The following ABCA13 variants were observed in gnomAD, a reference collection of about 807,000 sequenced individuals.
The protein encoded by ABCA13 is ATP-binding cassette sub-family A member 13.
Under a neutral mutation model 478.7 loss-of-function variants are expected in ABCA13, and 476 were observed. The ratio of observed to expected loss-of-function variants is 0.99; its 90% CI spans 0.92 to 1.07. The LOEUF (loss-of-function observed/expected upper bound fraction) is 1.07. Among genes scored for constraint, ABCA13 ranks in the 50% least tolerant of loss-of-function variants. ABCA13 has a pLI of 0.00. For synonymous variants in ABCA13, 2,252 were observed against 2,158.9 expected, an observed-to-expected ratio of 1.04 and a Z score of -1.20; for missense variants, 6,060 against 5,910.6, an observed-to-expected ratio of 1.03 and a Z score of -0.83.
chr7:48,417,997 C>T (rs1262057814), intron 41 of ABCA13, among the ~76,000 whole-genome samples: 1 of 152,156 alleles, frequency 6.6e-6, no homozygotes, highest in Non-Finnish European at 1.5e-5. Flanking sequence ...TTCTCTGTGT[C>T]TTTTCATGGC....
chr7:48,545,674 C>T (rs1784755970), intron 55 of ABCA13, among the ~76,000 whole-genome samples: 2 of 149,284 alleles, frequency 1.3e-5, no homozygotes, highest in African/African-American at 4.9e-5. Context: ...AGAATTGGCA[C>T]ACAAAGAATG....
chr7:48,643,204 C>A, intron 59 of ABCA13, 84 bp from the exon 60 acceptor site: 1 of 831,080 alleles, frequency 1.2e-6, no homozygotes, highest in Middle Eastern at 2.3e-4. Context: ...TCCTTTTTCT[C>A]CCTCTGTGTG....
chr7:48,276,431 C>T lies in ABCA13; in HGVS notation c.6765C>T (p.Leu2255=), dbSNP rs748460691. Residue 2255 remains leucine, a synonymous_variant, in exon 17 of 62, where the codon CTC becomes CTT. Coordinates refer to ENST00000435803, the MANE Select transcript of ABCA13 (RefSeq NM_152701.5). ...CAGAAACTAGTAGGAAAACAGTTCTCTCTCTGAGAAGCATAGTAGATTTCA... is the reference window on the plus strand; with the variant it reads ...CAGAAACTAGTAGGAAAACAGTTCTTTCTCTGAGAAGCATAGTAGATTTCA... ...MQSETSRKTV[L]SLRSIVDFTE... is the part of the protein sequence containing the mutation. The T allele has an allele frequency of 7.0e-6, 11 of 1,573,214 alleles. No homozygotes were observed. Among genetic ancestry groups the T allele is most frequent in the Admixed American group, 1.8e-5 (1 of 54,218 alleles).
In ABCA13 at chr7:48,279,608, A is replaced by G. The variant is rs752099115; in HGVS notation, c.8414A>G (p.Gln2805Arg). ...KSLYFDTPLS[Q>R]NITHHQLEKA... ...TTATATTTTGACACACCTTTGAGTC[A>G]GAATATAACTCATCATCAACTTGAA... The change falls in exon 18 of 62, where the codon CAG (glutamine) becomes CGG (arginine). Residue 2805 changes from glutamine to arginine, a missense_variant. Physicochemically the swap from Gln to Arg is conservative, Grantham distance 43. Coordinates refer to ENST00000435803, the MANE Select transcript of ABCA13 (RefSeq NM_152701.5). 4 of 1,612,226 alleles carry G rather than the reference A, an allele frequency of 2.5e-6. No individual in the cohort carries two copies. The highest frequency in any genetic ancestry group is 2.2e-5 in the East Asian group (1 of 44,802).
chr7:48,531,973 A>G (rs1036160346), intron 55 of ABCA13, among the ~76,000 whole-genome samples: 4 of 151,898 alleles, frequency 2.6e-5, no homozygotes, highest in Non-Finnish European at 4.4e-5. Context: ...CTCTTTACCA[A>G]TTTGGATGCT....
intron 40 of ABCA13, 80 bp from the exon 41 acceptor site, chr7:48,412,273 T>C (rs968777980): frequency 2.2e-5 from 24 of 1,071,390 alleles, no homozygotes; most frequent in Non-Finnish European, 5.3e-6. Context: ...AATTTGCTTA[T>C]GGATATACAT....
chr7:48,455,912 A>C (rs751225280), intron 43 of ABCA13, among the ~76,000 whole-genome samples: 3 of 152,142 alleles, frequency 2.0e-5, no homozygotes, highest in Non-Finnish European at 2.9e-5. Flanking sequence ...AGGGTTGGGA[A>C]CCTAAGATAG....
chr7:48,208,142 T>C (rs1401521463), intron 3 of ABCA13, among the ~76,000 whole-genome samples: 2 of 152,100 alleles, frequency 1.3e-5, no homozygotes, highest in Non-Finnish European at 2.9e-5. Flanking sequence ...TTCTGTTCCA[T>C]TGGTCTATGT....
intron 55 of ABCA13, among the ~76,000 whole-genome samples, chr7:48,572,706 T>G (rs74376016): frequency 0.01 from 1,547 of 152,308 alleles, 32 homozygotes; most frequent in African/African-American, 0.035. Context: ...TGAATTTTAC[T>G]TATTGTAACA....
At chr7:48,569,068 A>T (rs955390202) in intron 55 of ABCA13, among the ~76,000 whole-genome samples, 1 of 152,048 alleles carries the variant, frequency 6.6e-6, no homozygotes, top group African/African-American at 2.4e-5. Flanking sequence ...TTAAAGAATC[A>T]AGATTTGATT....
At chr7:48,402,164 G>A (rs577090416) in intron 38 of ABCA13, among the ~76,000 whole-genome samples, 81 of 152,124 alleles carry the variant, frequency 5.3e-4, no homozygotes, top group Non-Finnish European at 9.4e-4. Flanking sequence ...CACCCCAGAG[G>A]GTACCATAGA....
At chr7:48,393,973 A>C (rs752082154) in intron 38 of ABCA13, among the ~76,000 whole-genome samples, 5 of 151,930 alleles carry the variant, frequency 3.3e-5, no homozygotes, top group Admixed American at 2.6e-4. Context: ...CCTTTGGCTC[A>C]CTTCTGCAAA....
At chr7:48,558,075 A>T (rs765925226) in intron 55 of ABCA13, among the ~76,000 whole-genome samples, 8 of 150,598 alleles carry the variant, frequency 5.3e-5, no homozygotes, top group African/African-American at 7.5e-5. Context: ...TTGATCAATT[A>T]TACTGTTAAG....
chr7:48,546,805 T>C (rs1473895611), intron 55 of ABCA13, among the ~76,000 whole-genome samples: 1 of 151,686 alleles, frequency 6.6e-6, no homozygotes, highest in African/African-American at 2.4e-5. Context: ...TATAAACCAA[T>C]GCACTACCAA....
intron 51 of ABCA13, among the ~76,000 whole-genome samples, chr7:48,511,910 A>T (rs575450762): frequency 2.6e-5 from 4 of 152,154 alleles, no homozygotes; most frequent in Admixed American, 6.5e-5. Context: ...GAGGATTACA[A>T]ATGAAGTGAT....
intron 15 of ABCA13, among the ~76,000 whole-genome samples, chr7:48,256,515 G>A (rs1387250302): frequency 6.6e-6 from 1 of 152,052 alleles, no homozygotes; most frequent in East Asian, 1.9e-4. Flanking sequence ...TTCTGCACAT[G>A]GCTAGCCAGT....
chr7:48,386,068 T>A (rs369821347), intron 35 of ABCA13, among the ~76,000 whole-genome samples: 2 of 152,186 alleles, frequency 1.3e-5, no homozygotes, highest in Non-Finnish European at 2.9e-5. Flanking sequence ...CTTTGTCAGA[T>A]GCATAGTTAA....
chr7:48,210,180 G>C (rs1483579610), intron 3 of ABCA13, among the ~76,000 whole-genome samples: 1 of 152,172 alleles, frequency 6.6e-6, no homozygotes, highest in East Asian at 1.9e-4. Context: ...GGTGGAAGGG[G>C]AAGCAAACAT....
intron 59 of ABCA13, among the ~76,000 whole-genome samples, chr7:48,616,502 A>T (rs1792583118): frequency 6.6e-6 from 1 of 152,216 alleles, no homozygotes; most frequent in Non-Finnish European, 1.5e-5. Context: ...TATGTTTACA[A>T]AAGTTTCCCA....
Sources: gnomAD v4.1 joint callset for allele counts (sites outside exome capture counted in the v4.1 genomes callset) on GRCh38, gnomAD v4.1.1 for gene constraint, MANE v1.5 for transcripts, NCBI Gene and HGNC (gene_info 2026-07-23, HGNC 2026-07-21) for gene names.